LONP1: variants seen among roughly 807,000 people sequenced by gnomAD.
The protein encoded by LONP1 is lon peptidase 1, mitochondrial.
In LONP1, 31 loss-of-function variants were observed where a neutral mutation model predicts 98.5. That is an observed-to-expected ratio of 0.31 (90% CI 0.24 to 0.42). LONP1 has a LOEUF of 0.42. Among genes scored for constraint, LONP1 ranks in the 20% least tolerant of loss-of-function variants. The probability of loss-of-function intolerance (pLI) is 1.00; values close to 1 mark genes in which losing one functional copy is unlikely to be tolerated. For missense variants in LONP1, 1,336 were observed against 1,350.6 expected, an observed-to-expected ratio of 0.99 and a Z score of 0.17; for synonymous variants, 781 against 594.7, an observed-to-expected ratio of 1.31 and a Z score of -4.56.
intron 10 of LONP1, among the ~76,000 whole-genome samples, chr19:5,697,584 AAGAG>A (rs1315772663): frequency 9.6e-6 from 1 of 104,216 alleles, no homozygotes; most frequent in African/African-American, 3.9e-5. Context: ...GGGGAGGAAG[AAGAG>A]AGGGAGAGAG....
At chr19:5,720,201 C>T, upstream of LONP1, 3 of 1,383,756 alleles carry the variant, frequency 2.2e-6, no homozygotes, top group Non-Finnish European at 1.9e-6. Flanking sequence ...ACGTGACGCC[C>T]GGCGCGTGCC....
At chr19:5,698,731 G>C (rs938278848) in intron 10 of LONP1, among the ~76,000 whole-genome samples, 1 of 152,290 alleles carries the variant, frequency 6.6e-6, no homozygotes, top group East Asian at 1.9e-4. Context: ...GCTCTGGCCC[G>C]GGCATTGCAG....
rs545493358 is a variant in LONP1 at position 5,694,586 on chromosome 19, AGGTGGGGTGACAGGTGCGGGGT to A, written c.2155-56_2155-35del. 17,065 of 1,584,176 alleles carry A rather than the reference AGGTGGGGTGACAGGTGCGGGGT, an allele frequency of 0.011. 136 individuals carry two copies. Among genetic ancestry groups the A allele is most frequent in the Non-Finnish European group, 0.012 (13,841 of 1,161,702 alleles). ...TCAGGGCAACACAATGGGCACGGGA[AGGTGGGGTGACAGGTGCGGGGT>A]GGTGGGGTGACGGGCACAGAAAGGT... On this transcript the variant is annotated intron_variant, in intron 14 of 17. Transcript: ENST00000360614.
intron 5 of LONP1, 84 bp downstream of exon 5, chr19:5,708,258 G>A (rs927363859): frequency 1.2e-5 from 17 of 1,375,660 alleles, no homozygotes; most frequent in Admixed American, 3.5e-5. Flanking sequence ...CCAGGAGGAC[G>A]CTGAGGAAGC....
chr19:5,708,213 C>T, intron 5 of LONP1, 129 bp downstream of exon 5: 1 of 962,400 alleles, frequency 1.0e-6, no homozygotes, highest in Non-Finnish European at 1.6e-6. Context: ...GGCTCCTCCA[C>T]ACAGGCCACT....
intron 10 of LONP1, among the ~76,000 whole-genome samples, chr19:5,698,355 A>C (rs1046963627): frequency 1.1e-4 from 16 of 152,200 alleles, no homozygotes; most frequent in Non-Finnish European, 4.4e-5. Context: ...GACTCAGCAG[A>C]TGCCTCACAC....
chr19:5,700,946 A>C lies in LONP1; in HGVS notation c.1368-19T>G. On this transcript the variant is annotated intron_variant, in intron 8 of 17. Transcript: ENST00000360614. Reference sequence around the variant, plus strand: ...GGTGACACTGCCAGGGGACAGATGGAGAGATGCTGAGTGGAGCTCACGAGC... The same window carrying C: ...GGTGACACTGCCAGGGGACAGATGGCGAGATGCTGAGTGGAGCTCACGAGC... The C allele has an allele frequency of 6.2e-7, 1 of 1,613,844 alleles. No homozygotes were observed. Among genetic ancestry groups the C allele is most frequent in the Non-Finnish European group, 8.5e-7 (1 of 1,179,860 alleles).
intron 10 of LONP1, among the ~76,000 whole-genome samples, chr19:5,697,513 G>A (rs1270864884): frequency 7.0e-6 from 1 of 143,070 alleles, no homozygotes; most frequent in Non-Finnish European, 1.5e-5. Flanking sequence ...AGGAGGGGGG[G>A]AGAGAAGAGG....
intron 8 of LONP1, among the ~76,000 whole-genome samples, chr19:5,703,489 G>A (rs151006468): frequency 0.011 from 1,749 of 152,230 alleles, 39 homozygotes; most frequent in Admixed American, 0.054. Flanking sequence ...CGGCCACTAT[G>A]GGCCAGGAGC....
At chr19:5,699,554 T>TA (rs2055004022) in intron 9 of LONP1, among the ~76,000 whole-genome samples, 5 of 129,794 alleles carry the variant, frequency 3.9e-5, no homozygotes, top group Admixed American at 7.6e-5. Flanking sequence ...CTCTGGCTCC[T>TA]GTTTTTTTTT....
At chr19:5,699,610 T>C (rs1017484078) in intron 9 of LONP1, among the ~76,000 whole-genome samples, 4 of 141,330 alleles carry the variant, frequency 2.8e-5, no homozygotes, top group South Asian at 2.2e-4. Flanking sequence ...CAGGCTAGAG[T>C]GTACTGGTGC....
At chr19:5,701,154 A>G (rs2055033953) in intron 8 of LONP1, among the ~76,000 whole-genome samples, 1 of 152,038 alleles carries the variant, frequency 6.6e-6, no homozygotes, top group Admixed American at 6.6e-5. Context: ...TCTCTATAAA[A>G]CAATTTACAG....
At chr19:5,696,811 C>A (rs1345526706) in intron 10 of LONP1, 54 bp from the exon 11 acceptor site, 2 of 1,231,700 alleles carry the variant, frequency 1.6e-6, no homozygotes, top group Non-Finnish European at 2.4e-6. Flanking sequence ...TCGGCCACAA[C>A]GACACCATGC....
At position 5,692,181 on chromosome 19, in the gene LONP1, C is replaced by A; in HGVS notation, c.2731G>T (p.Val911Phe). 1 of 1,613,812 alleles carries A rather than the reference C, an allele frequency of 6.2e-7. No individual in the cohort carries two copies. The highest frequency in any genetic ancestry group is 1.1e-5 in the South Asian group (1 of 91,060). ...AAKRAGVTCI[V>F]LPAENKKDFY... ...TCCTTCTTGTTCTCGGCTGGCAGGA[C>A]GATGCACGTCACCCCTGCGCGCTTG... The change falls in exon 18 of 18, where the codon GTC becomes TTC. Residue 911 changes from valine (V) to phenylalanine (F), a missense_variant. Val to Phe is a conservative substitution (Grantham distance 50). Around this residue, in one of 5 missense-constraint regions of LONP1, gnomAD observed 555 missense variants for 542.6 expected, o/e 1.02. Coordinates refer to ENST00000360614, the MANE Select transcript of LONP1 (RefSeq NM_004793.4).
Position 5,711,960 on chromosome 19 carries a change from C to A in LONP1, c.681G>T (p.Pro227=). Residue 227 remains proline, a synonymous_variant, in exon 4 of 18, where the codon CCG becomes CCT. Coordinates refer to ENST00000360614, the MANE Select transcript of LONP1 (RefSeq NM_004793.4). The stretch of plus-strand genomic sequence containing the variant: ...GGGGCTTGTGCTTGTTCTCCGCCTC[C>A]GGCTCCTCGGGCTCCACCTCCAGCT... The part of the protein sequence containing the change: ...SRQLEVEPEE[P]EAENKHKPRR... 6.2e-7 allele frequency: 1 copy of A among 1,613,330 alleles called. No individual in the cohort carries two copies. Among genetic ancestry groups the A allele is most frequent in the Non-Finnish European group, 8.5e-7 (1 of 1,179,966 alleles).
intron 13 of LONP1, among the ~76,000 whole-genome samples, chr19:5,695,179 T>C (rs1348320301): frequency 6.6e-6 from 1 of 152,004 alleles, no homozygotes; most frequent in African/African-American, 2.4e-5. Flanking sequence ...GGTTGCCCCA[T>C]GGGCTGGCCC....
chr19:5,696,161 T>C lies in LONP1; in HGVS notation c.1906A>G (p.Ile636Val). 1 of 1,612,892 alleles carries C rather than the reference T, an allele frequency of 6.2e-7. No individual in the cohort carries two copies. The highest frequency in any genetic ancestry group is 2.2e-5 in the East Asian group (1 of 44,852). Residue 636 changes from isoleucine to valine, a missense_variant, in exon 13 of 18, where the codon ATC (isoleucine) becomes GTC (valine). Coordinates refer to ENST00000360614, the MANE Select transcript of LONP1 (RefSeq NM_004793.4). ...VPVDLSKVLF[I>V]CTANVTDTIP... ...GTGTCCGTGACGTTGGCCGTGCAGATGAACAGCACCTGGGGGCGGCGGCAA... is the reference window on the plus strand; with the variant it reads ...GTGTCCGTGACGTTGGCCGTGCAGACGAACAGCACCTGGGGGCGGCGGCAA...
rs181325093 is a variant in LONP1 at position 5,711,717 on chromosome 19, A to G, written c.870+54T>C. ...TCGGAGAGGCCGCAGGAACGGCTCA[A>G]GGGAGCCCGTGGGGGAGGCAGCTGT... On this transcript the variant is annotated intron_variant, in intron 4 of 17. Coordinates refer to ENST00000360614, the MANE Select transcript of LONP1 (RefSeq NM_004793.4). The G allele has an allele frequency of 3.9e-3, 5,789 of 1,474,732 alleles. 19 individuals carry two copies. The highest frequency in any genetic ancestry group is 4.2e-3 in the Non-Finnish European group (4,447 of 1,069,512). The allele number at this position is 1,474,732 out of a possible 1,614,324, so 91.4% of individuals were successfully genotyped here. A position where few individuals can be genotyped will look rare whatever the true frequency, so the allele number is the denominator to read the frequency against.
intron 6 of LONP1, 148 bp from the exon 7 acceptor site, chr19:5,707,291 G>A: frequency 1.5e-6 from 1 of 674,680 alleles, no homozygotes; most frequent in Non-Finnish European, 2.6e-6. Context: ...TGTGCCCTCT[G>A]CCCCAACAAA....
Sources: allele counts gnomAD v4.1 joint callset (sites outside exome capture counted in the v4.1 genomes callset), GRCh38; gene constraint gnomAD v4.1.1; regional missense constraint gnomAD v4.1.1; transcripts MANE v1.5; gene names NCBI Gene and HGNC (gene_info 2026-07-23, HGNC 2026-07-21).